LRMDA: variants seen among roughly 807,000 people sequenced by gnomAD.
LRMDA encodes the protein leucine rich melanocyte differentiation associated.
Under a neutral mutation model 29.8 loss-of-function variants are expected in LRMDA, and 18 were observed. The observed-to-expected ratio is 0.60, with a 90% confidence interval of 0.42 to 0.90. The LOEUF is 0.90. Ranked by LOEUF, LRMDA falls within the 40% of genes least tolerant of loss-of-function variation. LRMDA has a pLI of 0.00. For synonymous variants in LRMDA, 125 were observed against 109.4 expected (o/e 1.14, Z -0.89); for missense variants, 273 against 273.9 (o/e 1.00, Z 0.02).
chr10:76,059,708 T>C (rs1216084100), intron 5 of LRMDA, among the ~76,000 whole-genome samples: 1 of 152,184 alleles, frequency 6.6e-6, no homozygotes, highest in East Asian at 1.9e-4. Flanking sequence ...TTGGAAATGA[T>C]TAAAGGGGGG....
At chr10:76,093,438 T>G (rs972494070) in intron 5 of LRMDA, among the ~76,000 whole-genome samples, 5 of 152,088 alleles carry the variant, frequency 3.3e-5, no homozygotes, top group African/African-American at 9.7e-5. Context: ...ACTGTGTCCC[T>G]TATATCTCTC....
chr10:76,442,530 T>A (rs1326339911), intron 6 of LRMDA, among the ~76,000 whole-genome samples: 2 of 151,988 alleles, frequency 1.3e-5, no homozygotes, highest in Admixed American at 1.3e-4. Context: ...TCTCTACAAA[T>A]AAAACATAAA....
chr10:75,750,856 C>T (rs924046257), intron 2 of LRMDA, among the ~76,000 whole-genome samples: 1 of 150,836 alleles, frequency 6.6e-6, no homozygotes, highest in Non-Finnish European at 1.5e-5. Context: ...AGAGGGGCTC[C>T]TCACATCCCA....
intron 5 of LRMDA, among the ~76,000 whole-genome samples, chr10:76,221,637 G>A (rs1388960116): frequency 2.0e-5 from 3 of 152,302 alleles, no homozygotes; most frequent in Admixed American, 6.5e-5. Context: ...ACAAATGGAA[G>A]AGCATTCCAT....
chr10:75,692,491 A>G (rs1179914503), intron 2 of LRMDA, among the ~76,000 whole-genome samples: 2 of 151,058 alleles, frequency 1.3e-5, no homozygotes, highest in Non-Finnish European at 2.9e-5. Flanking sequence ...ACGTATACAT[A>G]TATGTATATA....
chr10:75,710,477 C>T (rs1229624994), intron 2 of LRMDA, among the ~76,000 whole-genome samples: 1 of 152,238 alleles, frequency 6.6e-6, no homozygotes, highest in Non-Finnish European at 1.5e-5. Context: ...AAGGCCCTGA[C>T]AGGGCCCATT....
intron 2 of LRMDA, among the ~76,000 whole-genome samples, chr10:75,714,594 G>A (rs1352764517): frequency 6.6e-6 from 1 of 152,128 alleles, no homozygotes; most frequent in Non-Finnish European, 1.5e-5. Flanking sequence ...GGAAACTTGG[G>A]GTATCCCCGT....
chr10:75,794,004 A>G (rs1207876757), intron 2 of LRMDA, among the ~76,000 whole-genome samples: 2 of 152,256 alleles, frequency 1.3e-5, no homozygotes, highest in African/African-American at 4.8e-5. Flanking sequence ...ACACATGGGC[A>G]TGGCTATGTT....
chr10:76,021,875 G>A (rs903014359), intron 2 of LRMDA, among the ~76,000 whole-genome samples: 13 of 152,316 alleles, frequency 8.5e-5, no homozygotes, highest in African/African-American at 3.1e-4. Context: ...TACAGAGGCA[G>A]GAGCAGGGGG....
chr10:75,480,764 C>G (rs2915029), intron 2 of LRMDA, among the ~76,000 whole-genome samples: 152,245 of 152,318 alleles, frequency 1, 76,086 homozygotes, highest in Middle Eastern at 1. Context: ...TGCAGGTTAG[C>G]AGATGAGTTA....
intron 6 of LRMDA, among the ~76,000 whole-genome samples, chr10:76,352,725 T>C (rs1564517619): frequency 1.3e-5 from 2 of 152,118 alleles, no homozygotes. Context: ...CTATTATTAT[T>C]ATTATCAATA....
intron 5 of LRMDA, among the ~76,000 whole-genome samples, chr10:76,085,346 T>A (rs1220731520): frequency 1.3e-5 from 2 of 152,192 alleles, no homozygotes; most frequent in African/African-American, 2.4e-5. Flanking sequence ...GAAGGGGACC[T>A]GGGGGATACT....
chr10:75,563,125 T>C lies in LRMDA; in HGVS notation c.131+124631T>C, dbSNP rs1237445735. Reference sequence around the variant, plus strand: ...TCCTGGATAATATCCTGCAGAGTGTTTTCCAACTTGGTTCCATTCTCCCCG... The same window carrying C: ...TCCTGGATAATATCCTGCAGAGTGTCTTCCAACTTGGTTCCATTCTCCCCG... On this transcript the variant is annotated intron_variant, in intron 2 of 6. Coordinates refer to ENST00000611255, the MANE Select transcript of LRMDA (RefSeq NM_001305581.2). 2.0e-5 allele frequency among the ~76,000 whole-genome samples: 3 copies of C among 152,128 alleles called. 1 individual carries two copies. The highest frequency in any genetic ancestry group is 4.4e-5 in the Non-Finnish European group (3 of 68,032).
chr10:75,463,112 C>A (rs1844607051), intron 2 of LRMDA, among the ~76,000 whole-genome samples: 1 of 152,132 alleles, frequency 6.6e-6, no homozygotes, highest in Admixed American at 6.5e-5. Flanking sequence ...GCTCCTGCAT[C>A]CTCTTCTCTC....
chr10:76,096,421 T>A (rs944895506), intron 5 of LRMDA, among the ~76,000 whole-genome samples: 1 of 152,048 alleles, frequency 6.6e-6, no homozygotes, highest in Admixed American at 6.6e-5. Context: ...CAAAAATTAA[T>A]TGGCCATGTA....
At chr10:76,083,901 C>T (rs146948034) in intron 5 of LRMDA, among the ~76,000 whole-genome samples, 4 of 151,742 alleles carry the variant, frequency 2.6e-5, no homozygotes, top group East Asian at 1.9e-4. Context: ...CTTGTTTAAC[C>T]GTTTGTTTCC....
chr10:75,882,218 C>T (rs746608349), intron 2 of LRMDA, among the ~76,000 whole-genome samples: 6 of 152,076 alleles, frequency 3.9e-5, no homozygotes, highest in African/African-American at 1.4e-4. Context: ...TAATGGAAGG[C>T]CTCACAGGTG....
In LRMDA at chr10:76,047,181, C is replaced by T; in HGVS notation, c.276C>T (p.Asn92=). 1.2e-6 allele frequency: 2 copies of T among 1,613,998 alleles called. No homozygotes were observed. Among genetic ancestry groups the T allele is most frequent in the Non-Finnish European group, 1.7e-6 (2 of 1,179,968 alleles). The change falls in exon 4 of 7, where the codon AAC becomes AAT. Residue 92 remains asparagine, a synonymous_variant. Coordinates refer to ENST00000611255, the MANE Select transcript of LRMDA (RefSeq NM_001305581.2). Reference sequence around the variant, plus strand: ...TTTGTCACATCACTGATTTGGAGAACCTGCTGGATCACTTGGCAGAAGTGA... The same window carrying T: ...TTTGTCACATCACTGATTTGGAGAATCTGCTGGATCACTTGGCAGAAGTGA... The part of the protein sequence containing the change: ...LNKNRITDLE[N]LLDHLAEVTP...
At chr10:75,535,239 G>T (rs1240219361) in intron 2 of LRMDA, among the ~76,000 whole-genome samples, 1 of 151,980 alleles carries the variant, frequency 6.6e-6, no homozygotes, top group Non-Finnish European at 1.5e-5. Context: ...TTCTCACAAA[G>T]ATTTCAACCA....
Sources: gnomAD v4.1 joint callset for allele counts (sites outside exome capture counted in the v4.1 genomes callset) on GRCh38, gnomAD v4.1.1 for gene constraint, MANE v1.5 for transcripts, NCBI Gene and HGNC (gene_info 2026-07-23, HGNC 2026-07-21) for gene names.